Variants in H6PD observed in about 807,000 individuals in gnomAD.
The protein encoded by H6PD is hexose-6-phosphate dehydrogenase/glucose 1-dehydrogenase.
In H6PD, 48 loss-of-function variants were observed where a neutral mutation model predicts 61.2. The ratio of observed to expected loss-of-function variants is 0.78; its 90% CI spans 0.62 to 1.00. H6PD has a LOEUF of 1.00. H6PD is among the 50% of genes least tolerant of loss of function. H6PD has a pLI of 0.00. For missense variants in H6PD, 1,093 were observed against 1,065.0 expected, an observed-to-expected ratio of 1.03 and a Z score of -0.37; for synonymous variants, 480 against 457.9, an observed-to-expected ratio of 1.05 and a Z score of -0.62.
At chr1:9,238,324 A>G (rs1228269676) in intron 1 of H6PD, among the ~76,000 whole-genome samples, 1 of 152,110 alleles carries the variant, frequency 6.6e-6, no homozygotes, top group African/African-American at 2.4e-5. Flanking sequence ...CTCTGCAGAC[A>G]TCTGCACAGA....
intron 3 of H6PD, among the ~76,000 whole-genome samples, chr1:9,250,008 G>C (rs1479236005): frequency 1.3e-5 from 2 of 152,194 alleles, no homozygotes; most frequent in African/African-American, 4.8e-5. Context: ...AGCCCTGCTG[G>C]CCCAAGCACT....
intron 3 of H6PD, among the ~76,000 whole-genome samples, chr1:9,248,073 C>T (rs1402591242): frequency 6.6e-6 from 1 of 152,240 alleles, no homozygotes; most frequent in Non-Finnish European, 1.5e-5. Flanking sequence ...GGCCCCAGCA[C>T]TCAGGCCTGG....
At chr1:9,247,463 C>T (rs1430023346) in intron 3 of H6PD, among the ~76,000 whole-genome samples, 1 of 152,166 alleles carries the variant, frequency 6.6e-6, no homozygotes, top group Non-Finnish European at 1.5e-5. Flanking sequence ...GGGCACTCCC[C>T]CTCGCGTCCC....
intron 4 of H6PD, among the ~76,000 whole-genome samples, chr1:9,262,579 C>T (rs1453414597): frequency 6.6e-6 from 1 of 152,224 alleles, no homozygotes; most frequent in Non-Finnish European, 1.5e-5. Flanking sequence ...CAGTTCAGTC[C>T]CAGATGCTTC....
chr1:9,241,397 ATTTAT>A (rs1640993305), intron 1 of H6PD, among the ~76,000 whole-genome samples: 1 of 151,372 alleles, frequency 6.6e-6, no homozygotes. Flanking sequence ...TGATTTATTT[ATTTAT>A]TTTATTTATT....
chr1:9,263,408 G>T, intron 4 of H6PD, 101 bp from the exon 5 acceptor site: 1 of 1,151,720 alleles, frequency 8.7e-7, no homozygotes, highest in Non-Finnish European at 1.3e-6. Flanking sequence ...GCTTCCCTGA[G>T]GCAGGGGGAC....
At chr1:9,260,574 T>A (rs1358775261) in intron 3 of H6PD, among the ~76,000 whole-genome samples, 7 of 152,154 alleles carry the variant, frequency 4.6e-5, no homozygotes. Flanking sequence ...TGTTGTTATG[T>A]TGTTGTTACA....
In H6PD at chr1:9,245,400, A is replaced by G; in HGVS notation, c.466A>G (p.Ile156Val). The G allele has an allele frequency of 1.2e-6, 2 of 1,614,106 alleles. No homozygotes were observed. The highest frequency in any genetic ancestry group is 3.3e-4 in the Middle Eastern group (2 of 6,062). The change falls in exon 2 of 5, where the codon ATC (isoleucine) becomes GTC (valine). Residue 156 changes from isoleucine (I) to valine (V), a missense_variant. Ile to Val is a conservative substitution (Grantham distance 29). Coordinates refer to ENST00000377403, the MANE Select transcript of H6PD (RefSeq NM_004285.4). This position sits in a 1 kb window ranked among gnomAD's most constrained non-coding sequence, Gnocchi z 4.8. ...PFAYEDIARNINSSCRPGPGA... is the reference protein window; with the variant it reads ...PFAYEDIARNVNSSCRPGPGA... ...CGCCTATGAAGACATTGCCCGCAAC[A>G]TCAACAGTAGCTGCCGGCCAGGCCC...
intron 3 of H6PD, among the ~76,000 whole-genome samples, chr1:9,255,675 G>A (rs1430522067): frequency 6.6e-6 from 1 of 152,176 alleles, no homozygotes; most frequent in Non-Finnish European, 1.5e-5. Context: ...TCCCGAAAAG[G>A]AGAATTGGAA....
intron 1 of H6PD, among the ~76,000 whole-genome samples, chr1:9,238,257 C>A (rs1439535609): frequency 1.3e-5 from 2 of 152,122 alleles, no homozygotes; most frequent in East Asian, 3.8e-4. Context: ...CCTAGACAGG[C>A]AGGATGGTAA....
intron 3 of H6PD, among the ~76,000 whole-genome samples, chr1:9,253,653 G>A (rs148768817): frequency 1.8e-3 from 267 of 152,306 alleles, no homozygotes; most frequent in African/African-American, 6.1e-3. Context: ...TCCAGTGTGC[G>A]TTGTCTCCCC....
chr1:9,247,140 G>A (rs373128139), intron 3 of H6PD, 57 bp downstream of exon 3: 18 of 1,159,806 alleles, frequency 1.6e-5, no homozygotes, highest in African/African-American at 4.5e-5. Flanking sequence ...CGCTGTCTGC[G>A]GTGAGGCATG....
chr1:9,253,366 A>G (rs1389346615), intron 3 of H6PD, among the ~76,000 whole-genome samples: 5 of 152,248 alleles, frequency 3.3e-5, no homozygotes, highest in African/African-American at 7.2e-5. Flanking sequence ...ACATTAATGA[A>G]TAGTAAGCAG....
intron 1 of H6PD, among the ~76,000 whole-genome samples, chr1:9,238,476 A>C (rs536400984): frequency 6.6e-6 from 1 of 152,196 alleles, no homozygotes; most frequent in African/African-American, 2.4e-5. Context: ...GGTGGCTGGC[A>C]CTGGAGTGGA....
intron 3 of H6PD, among the ~76,000 whole-genome samples, chr1:9,247,409 G>A (rs1641215356): frequency 6.6e-6 from 1 of 152,160 alleles, no homozygotes; most frequent in South Asian, 2.1e-4. Flanking sequence ...CTGCGTGAGG[G>A]CTTCCCCGAC....
chr1:9,242,091 A>C (rs1278839151), intron 1 of H6PD, among the ~76,000 whole-genome samples: 1 of 152,172 alleles, frequency 6.6e-6, no homozygotes, highest in Non-Finnish European at 1.5e-5. Flanking sequence ...ACTGGATCAG[A>C]ATGTCTCTGT....
chr1:9,244,020 C>T (rs144858266), intron 1 of H6PD, among the ~76,000 whole-genome samples: 15 of 152,282 alleles, frequency 9.9e-5, no homozygotes, highest in Non-Finnish European at 1.9e-4. Context: ...CTTCATTGAC[C>T]TGAGCCTCAG....
chr1:9,250,256 G>A (rs1477355555), intron 3 of H6PD, among the ~76,000 whole-genome samples: 1 of 152,174 alleles, frequency 6.6e-6, no homozygotes, highest in Non-Finnish European at 1.5e-5. Flanking sequence ...CTTGGCAGGC[G>A]AGTGCTGCTG....
Position 9,245,653 on chromosome 1 carries a change from C to A in H6PD, c.627+92C>A, listed in dbSNP as rs538609204. The A allele has an allele frequency of 1.5e-6, 2 of 1,306,016 alleles. No individual in the cohort carries two copies. The highest frequency in any genetic ancestry group is 4.8e-5 in the East Asian group (2 of 41,542). 80.9% of individuals were successfully genotyped at this position (1,306,016 alleles called of 1,614,324 possible). ...GCCGCTCGCTCATTGTGGAGCTAGG[C>A]CCCAAGGCATTGTGAACTCAGAGCT... On this transcript the variant is annotated intron_variant, in intron 2 of 4. Transcript: ENST00000377403. The surrounding 1 kb of genome is among the most constrained non-coding windows in gnomAD (Gnocchi z 4.8).
Sources: allele counts gnomAD v4.1 joint callset (sites outside exome capture counted in the v4.1 genomes callset), GRCh38; gene constraint gnomAD v4.1.1; non-coding constraint Gnocchi (gnomAD v3.1); transcripts MANE v1.5; gene names NCBI Gene and HGNC (gene_info 2026-07-23, HGNC 2026-07-21).